KCNMA1: variants seen among roughly 807,000 people sequenced by gnomAD.
The protein encoded by KCNMA1 is potassium calcium-activated channel subfamily M alpha 1.
In KCNMA1, 29 loss-of-function variants were observed where a neutral mutation model predicts 140.0. The observed-to-expected ratio is 0.21, with a 90% CI of 0.15 to 0.28. KCNMA1 has a LOEUF of 0.28. KCNMA1 is among the 10% of genes least tolerant of loss of function. The probability of loss-of-function intolerance (pLI) is 1.00; values close to 1 mark genes in which losing one functional copy is unlikely to be tolerated. For missense variants in KCNMA1, 880 were observed against 1,602.2 expected, an observed-to-expected ratio of 0.55 and a Z score of 7.70; for synonymous variants, 612 against 611.9, an observed-to-expected ratio of 1.00 and a Z score of 0.00.
At chr10:77,265,950 G>A (rs1448266832) in intron 2 of KCNMA1, among the ~76,000 whole-genome samples, 1 of 151,866 alleles carries the variant, frequency 6.6e-6, no homozygotes, top group Non-Finnish European at 1.5e-5. Flanking sequence ...GTGCAGTGGT[G>A]GGCACCTGTA....
intron 1 of KCNMA1, among the ~76,000 whole-genome samples, chr10:77,463,561 C>A (rs771447882): frequency 6.6e-6 from 1 of 152,130 alleles, no homozygotes. Context: ...ATGGAGCACA[C>A]GCTAAAAATA....
chr10:77,368,771 G>T (rs1488348544), intron 2 of KCNMA1, among the ~76,000 whole-genome samples: 1 of 152,108 alleles, frequency 6.6e-6, no homozygotes, highest in Non-Finnish European at 1.5e-5. Flanking sequence ...ATGTCCAATT[G>T]TTCCAAGACC....
intron 1 of KCNMA1, 62 bp from the exon 2 acceptor site, chr10:77,404,085 A>T (rs2096378843): frequency 2.6e-6 from 4 of 1,562,164 alleles, no homozygotes; most frequent in Non-Finnish European, 3.5e-6. Context: ...AACATGCTCT[A>T]CCCATAAAGA....
At chr10:76,983,896 TA>T (rs970751779) in intron 19 of KCNMA1, among the ~76,000 whole-genome samples, 5 of 151,960 alleles carry the variant, frequency 3.3e-5, no homozygotes, top group African/African-American at 4.8e-5. Context: ...CCGCAGACCA[TA>T]AAAAAAACAG....
chr10:76,931,711 G>A (rs887305137), intron 23 of KCNMA1, among the ~76,000 whole-genome samples: 4 of 152,146 alleles, frequency 2.6e-5, no homozygotes, highest in African/African-American at 9.7e-5. Flanking sequence ...GAGAGCAGCT[G>A]CGTTGCATGG....
chr10:77,064,623 T>C (rs924065362), intron 14 of KCNMA1, among the ~76,000 whole-genome samples: 1 of 152,356 alleles, frequency 6.6e-6, no homozygotes, highest in African/African-American at 2.4e-5. Context: ...GAAATAGTTT[T>C]CACAGAAGTT....
chr10:77,200,519 G>T (rs2042118903), intron 3 of KCNMA1, among the ~76,000 whole-genome samples: 1 of 152,074 alleles, frequency 6.6e-6, no homozygotes, highest in African/African-American at 2.4e-5. Flanking sequence ...GAGGGGATTA[G>T]GTCCACAGTA....
rs1287330546 is a variant in KCNMA1 at position 77,246,841 on chromosome 10, A to C, written c.602+4354T>G. On this transcript the variant is annotated intron_variant, in intron 3 of 27. Transcript: ENST00000286628. The stretch of plus-strand genomic sequence containing the variant: ...CTTGGCAATTGTGCCCTTGGATGAG[A>C]TGCTCTACAAAATTTGTGCTGCCAT... Among the ~76,000 whole-genome samples, 3 of 152,260 alleles carry C rather than the reference A, an allele frequency of 2.0e-5. No individual in the cohort carries two copies. The East Asian group carries it at 5.8e-4, about 29-fold the overall frequency.
chr10:77,573,637 GGAATGGAATAGAATAGAATA>G (rs147579159), intron 1 of KCNMA1, among the ~76,000 whole-genome samples: 5,988 of 77,216 alleles, frequency 0.078, 240 homozygotes, highest in Non-Finnish European at 0.095. Context: ...GGAATGGAAT[GGAATGGAATAGAATAGAATA>G]GAATAGAATA....
intron 2 of KCNMA1, among the ~76,000 whole-genome samples, chr10:77,378,350 TA>T (rs778710595): frequency 1.3e-5 from 2 of 152,234 alleles, no homozygotes; most frequent in Non-Finnish European, 2.9e-5. Context: ...AAGGCTCAGC[TA>T]GGAAAAGTTT....
At chr10:76,970,165 C>T (rs538953714) in intron 19 of KCNMA1, 98 bp from the exon 20 acceptor site, 1 of 925,260 alleles carries the variant, frequency 1.1e-6, no homozygotes. Context: ...GGCTCAGTCA[C>T]TCACTAGGAA....
intron 2 of KCNMA1, among the ~76,000 whole-genome samples, chr10:77,392,543 T>C (rs1400037261): frequency 6.6e-6 from 1 of 152,200 alleles, no homozygotes; most frequent in Non-Finnish European, 1.5e-5. Context: ...ATTTCCACCT[T>C]CAACACTTTG....
intron 22 of KCNMA1, among the ~76,000 whole-genome samples, chr10:76,946,980 A>G (rs940747140): frequency 2.0e-5 from 3 of 152,324 alleles, no homozygotes; most frequent in Middle Eastern, 3.4e-3. Context: ...GGAGGGTTTG[A>G]AATGACCTGC....
intron 3 of KCNMA1, among the ~76,000 whole-genome samples, chr10:77,219,389 A>C (rs1220754776): frequency 1.3e-5 from 2 of 152,122 alleles, no homozygotes; most frequent in Non-Finnish European, 2.9e-5. Flanking sequence ...CTCTGCTTAA[A>C]CTAGCGGAGT....
chr10:77,217,261 T>G (rs967984974), intron 3 of KCNMA1, among the ~76,000 whole-genome samples: 19 of 150,266 alleles, frequency 1.3e-4, no homozygotes, highest in African/African-American at 4.7e-4. Context: ...GCTGAGATCA[T>G]GCCACTGCAC....
chr10:77,002,960 T>C (rs1207317608), intron 18 of KCNMA1, among the ~76,000 whole-genome samples: 1 of 152,208 alleles, frequency 6.6e-6, no homozygotes, highest in Non-Finnish European at 1.5e-5. Flanking sequence ...TAGAGAATGG[T>C]TGCACTCTTA....
intron 3 of KCNMA1, among the ~76,000 whole-genome samples, chr10:77,246,757 A>G (rs2058621935): frequency 6.6e-6 from 1 of 152,214 alleles, no homozygotes; most frequent in East Asian, 1.9e-4. Flanking sequence ...AGTGGATGCA[A>G]AAGTAACATT....
intron 2 of KCNMA1, among the ~76,000 whole-genome samples, chr10:77,255,427 C>T (rs551530659): frequency 6.6e-5 from 10 of 152,028 alleles, no homozygotes; most frequent in African/African-American, 2.2e-4. Flanking sequence ...CAGTGAAACC[C>T]TGGCTCTACC....
chr10:77,519,407 C>G (rs190296752), intron 1 of KCNMA1, among the ~76,000 whole-genome samples: 2 of 152,320 alleles, frequency 1.3e-5, no homozygotes, highest in East Asian at 3.9e-4. Flanking sequence ...TCTGAAATAT[C>G]ACCAAAGATG....
Sources: allele counts gnomAD v4.1 joint callset (sites outside exome capture counted in the v4.1 genomes callset), GRCh38; gene constraint gnomAD v4.1.1; transcripts MANE v1.5; gene names NCBI Gene and HGNC (gene_info 2026-07-23, HGNC 2026-07-21).